Variants in MBIP observed in about 807,000 individuals in gnomAD.
MBIP encodes MAP3K12 binding inhibitory protein 1, also known as MAP3K12-binding inhibitory protein 1.
A neutral mutation model predicts 45.7 loss-of-function variants in MBIP; 32 were observed. The ratio of observed to expected loss-of-function variants is 0.70; its 90% CI spans 0.53 to 0.94. The LOEUF is 0.94. MBIP is among the 40% of genes least tolerant of loss of function. The probability of loss-of-function intolerance (pLI) is 0.00; values close to 1 mark genes in which losing one functional copy is unlikely to be tolerated. For synonymous variants in MBIP, 145 were observed against 141.0 expected, an observed-to-expected ratio of 1.03 and a Z score of -0.20; for missense variants, 381 against 405.5, an observed-to-expected ratio of 0.94 and a Z score of 0.52.
At chr14:36,307,998 GTT>G (rs1879981791) in intron 7 of MBIP, 92 bp downstream of exon 7, 4 of 655,864 alleles carry the variant, frequency 6.1e-6, no homozygotes, top group Non-Finnish European at 1.1e-5. Context: ...TTAAAATAGT[GTT>G]TTGCTTATAG....
intron 7 of MBIP, among the ~76,000 whole-genome samples, chr14:36,306,206 A>C (rs1244645322): frequency 6.6e-6 from 1 of 152,080 alleles, no homozygotes; most frequent in East Asian, 1.9e-4. Context: ...CAAAACAAAA[A>C]GATTATGATG....
chr14:36,314,229 C>A (rs141183595), intron 4 of MBIP: 1 of 305,104 alleles, frequency 3.3e-6, no homozygotes, highest in South Asian at 6.5e-5. Flanking sequence ...CCTTCTCACT[C>A]GTACCTCACC....
At chr14:36,310,964 T>C (rs1880162821) in intron 6 of MBIP, among the ~76,000 whole-genome samples, 1 of 152,224 alleles carries the variant, frequency 6.6e-6, no homozygotes, top group Non-Finnish European at 1.5e-5. Flanking sequence ...AGAGATGATC[T>C]AGAGGAGTCC....
At chr14:36,300,713 C>T (rs887590431) in intron 8 of MBIP, 72 bp downstream of exon 8, 5 of 1,175,064 alleles carry the variant, frequency 4.3e-6, no homozygotes, top group African/African-American at 3.2e-5. Flanking sequence ...ATAGTAGAAA[C>T]TTTTATTAAT....
rs200453760 is a variant in MBIP, at chr14:36,308,116, G to A, written c.864C>T (p.Ile288=). The change falls in exon 7 of 9, where the codon ATC becomes ATT. Residue 288 remains isoleucine (I), a synonymous_variant. Transcript: ENST00000416007. ...LEDKILELEG[I]SPEYFQSVSF... Reference sequence around the variant, plus strand: ...CTACAGACTGAAAATATTCAGGAGAGATGCCTTCCAATTCAAGGATTTTAT... The same window carrying A: ...CTACAGACTGAAAATATTCAGGAGAAATGCCTTCCAATTCAAGGATTTTAT... The A allele has an allele frequency of 4.4e-6, 7 of 1,591,232 alleles. No individual in the cohort carries two copies. The highest frequency in any genetic ancestry group is 4.3e-6 in the Non-Finnish European group (5 of 1,162,186).
chr14:36,305,119 G>GTGA (rs1879791571), intron 7 of MBIP: 1 of 152,192 alleles, frequency 6.6e-6, no homozygotes, highest in Non-Finnish European at 1.5e-5. Context: ...GATGGTGAGG[G>GTGA]TGATGAATAA....
At chr14:36,318,655 A>G (rs960864029) in intron 1 of MBIP, among the ~76,000 whole-genome samples, 2 of 152,030 alleles carry the variant, frequency 1.3e-5, no homozygotes, top group Non-Finnish European at 2.9e-5. Flanking sequence ...TCCAGAGGCA[A>G]GCAAAAAGGT....
At chr14:36,316,925 T>C in intron 1 of MBIP, 113 bp from the exon 2 acceptor site, 1 of 1,141,498 alleles carries the variant, frequency 8.8e-7, no homozygotes. Context: ...CTCTAAGTTA[T>C]CAAGTTTTTA....
intron 4 of MBIP, 35 bp downstream of exon 4, chr14:36,314,475 CTT>C: frequency 7.5e-7 from 1 of 1,337,502 alleles, no homozygotes; most frequent in Non-Finnish European, 1.0e-6. Context: ...AAAAATTGTG[CTT>C]AAAACCCTAT....
At chr14:36,311,457 CACTT>C in intron 6 of MBIP, 112 bp downstream of exon 6, 1 of 888,496 alleles carries the variant, frequency 1.1e-6, no homozygotes, top group East Asian at 2.5e-5. Flanking sequence ...GAGTGACTGG[CACTT>C]ACTGTTCAAG....
intron 1 of MBIP, among the ~76,000 whole-genome samples, chr14:36,318,462 A>C (rs928286759): frequency 6.6e-6 from 1 of 151,996 alleles, no homozygotes; most frequent in Non-Finnish European, 1.5e-5. Context: ...CATTATTAGT[A>C]ATATGAACTC....
At chr14:36,314,000 C>G (rs746525520) in intron 4 of MBIP, 3 of 152,406 alleles carry the variant, frequency 2.0e-5, no homozygotes, top group Non-Finnish European at 2.9e-5. Context: ...TGCACTATGG[C>G]AGAAAGGAAA....
Position 36,308,134 on chromosome 14 carries a change from G to C in MBIP, c.846C>G (p.Ile282Met), listed in dbSNP as rs752844678. The change falls in exon 7 of 9, where the codon ATC (isoleucine) becomes ATG (methionine). Residue 282 changes from isoleucine (I) to methionine (M), a missense_variant. By Grantham distance (10) the Ile-to-Met change is conservative (BLOSUM62 1). Transcript: ENST00000416007. Reference protein sequence around the residue: ...YQRIKKLEDKILELEGISPEY... With the variant: ...YQRIKKLEDKMLELEGISPEY... ...CAGGAGAGATGCCTTCCAATTCAAG[G>C]ATTTTATCCTCAAGTTTTTTAATTC... The C allele has an allele frequency of 1.9e-6, 3 of 1,604,870 alleles. No homozygotes were observed. Among genetic ancestry groups the C allele is most frequent in the Non-Finnish European group, 2.6e-6 (3 of 1,173,926 alleles).
intron 1 of MBIP, chr14:36,319,573 A>C (rs1048412676): frequency 4.5e-6 from 2 of 444,222 alleles, no homozygotes; most frequent in African/African-American, 4.0e-5. Flanking sequence ...TTCTATTTTC[A>C]TAGGAATTTA....
chr14:36,303,206 T>C lies in MBIP; in HGVS notation c.889-2383A>G, dbSNP rs117998357. Among the ~76,000 whole-genome samples, 19 of 152,314 alleles carry C rather than the reference T, an allele frequency of 1.2e-4. No homozygotes were observed. The East Asian group carries it at 3.7e-3, about 29-fold the overall frequency. ...TTATTGGGACATAACCCCATCTGTA[T>C]AGAAGTATAAAAGGTGGACATTTTA... On this transcript the variant is annotated intron_variant, in intron 7 of 8. Coordinates refer to ENST00000416007, the MANE Select transcript of MBIP (RefSeq NM_016586.3).
intron 1 of MBIP, chr14:36,319,505 A>G: frequency 2.6e-6 from 1 of 377,480 alleles, no homozygotes; most frequent in Admixed American, 3.4e-5. Flanking sequence ...ACTTCTTAAA[A>G]GACTGATTCT....
At chr14:36,320,329 C>G in intron 1 of MBIP, 131 bp downstream of exon 1, 1 of 1,335,920 alleles carries the variant, frequency 7.5e-7, no homozygotes, top group Non-Finnish European at 1.0e-6. Flanking sequence ...GGGCTCCTTC[C>G]ACACCTCGGC....
At chr14:36,315,454 T>C (rs1432721656) in intron 2 of MBIP, among the ~76,000 whole-genome samples, 1 of 152,074 alleles carries the variant, frequency 6.6e-6, no homozygotes, top group African/African-American at 2.4e-5. Flanking sequence ...ACATGAAATA[T>C]ATAGGTGTTA....
At chr14:36,313,283 AACTG>A (rs1403265097) in intron 4 of MBIP, 5 of 152,116 alleles carry the variant, frequency 3.3e-5, no homozygotes, top group African/African-American at 1.2e-4. Flanking sequence ...CATATAGATT[AACTG>A]ACCATCAGTG....
Sources: allele counts gnomAD v4.1 joint callset (sites outside exome capture counted in the v4.1 genomes callset), GRCh38; gene constraint gnomAD v4.1.1; transcripts MANE v1.5; gene names NCBI Gene and HGNC (gene_info 2026-07-23, HGNC 2026-07-21).